The following TJP1 variants were observed in gnomAD, a reference collection of about 807,000 sequenced individuals.
TJP1 encodes the protein tight junction protein 1, also known as tight junction protein ZO-1.
A neutral mutation model predicts 194.2 loss-of-function variants in TJP1; 43 were observed. The observed-to-expected ratio is 0.22, with a 90% CI of 0.17 to 0.29. The LOEUF is 0.29. Among genes scored for constraint, TJP1 ranks in the 10% least tolerant of loss-of-function variants. The probability of loss-of-function intolerance (pLI) is 1.00; values close to 1 mark genes in which losing one functional copy is unlikely to be tolerated. For synonymous variants in TJP1, 801 were observed against 779.0 expected (o/e 1.03, Z -0.47); for missense variants, 1,971 against 2,185.7 (o/e 0.90, Z 1.96).
intron 2 of TJP1, among the ~76,000 whole-genome samples, chr15:29,906,146 C>T (rs1439404840): frequency 6.6e-6 from 1 of 152,102 alleles, no homozygotes; most frequent in African/African-American, 2.4e-5. Context: ...GTACTTTCCA[C>T]TCAAGTTTGC....
At position 29,720,681 on chromosome 15, in the gene TJP1, C is replaced by A; in HGVS notation, c.2440G>T (p.Asp814Tyr). The change falls in exon 19 of 28, where the codon GAT becomes TAT. Residue 814 changes from aspartate (D) to tyrosine (Y), a missense_variant. Physicochemically the swap from Asp to Tyr is radical, Grantham distance 160 (BLOSUM62 -3). Coordinates refer to ENST00000614355, the MANE Select transcript of TJP1 (RefSeq NM_001330239.4). ...TAGGACAGACGATCATCATGCAAAT[C>A]AAGGTCATCACTTGTAGCACCATCC... ...KADGATSDDL[D>Y]LHDDRLSYLS... The A allele has an allele frequency of 1.9e-6, 3 of 1,609,790 alleles. No homozygotes were observed. The South Asian group carries it at 3.3e-5, about 18-fold the overall frequency.
At chr15:29,796,285 G>C (rs1595921529) in intron 2 of TJP1, among the ~76,000 whole-genome samples, 1 of 148,504 alleles carries the variant, frequency 6.7e-6, no homozygotes, top group Non-Finnish European at 1.5e-5. Flanking sequence ...AAACACCCAG[G>C]AATCTAAACA....
intron 2 of TJP1, among the ~76,000 whole-genome samples, chr15:29,782,167 T>C (rs969402322): frequency 6.6e-6 from 1 of 152,064 alleles, no homozygotes; most frequent in Non-Finnish European, 1.5e-5. Flanking sequence ...AGCATTCTTA[T>C]AAACCAACAA....
chr15:29,834,534 C>T (rs1207740161), intron 2 of TJP1, among the ~76,000 whole-genome samples: 1 of 152,226 alleles, frequency 6.6e-6, no homozygotes, highest in Non-Finnish European at 1.5e-5. Flanking sequence ...ATGTTTTATA[C>T]TATTTTGCAG....
intron 2 of TJP1, among the ~76,000 whole-genome samples, chr15:29,837,330 G>A (rs1719321): frequency 0.066 from 10,013 of 152,066 alleles, 530 homozygotes; most frequent in African/African-American, 0.15. Context: ...AGGCTGATGC[G>A]GGTGGATCAC....
At chr15:29,946,748 T>C (rs138329698) in intron 2 of TJP1, among the ~76,000 whole-genome samples, 1 of 152,354 alleles carries the variant, frequency 6.6e-6, no homozygotes, top group African/African-American at 2.4e-5. Flanking sequence ...GACAAATATT[T>C]ATACTGAGCT....
At chr15:29,894,805 A>C (rs570421419) in intron 2 of TJP1, among the ~76,000 whole-genome samples, 2 of 152,292 alleles carry the variant, frequency 1.3e-5, no homozygotes, top group Non-Finnish European at 2.9e-5. Flanking sequence ...CAGCTTGTGC[A>C]CTCTGCATAC....
intron 2 of TJP1, among the ~76,000 whole-genome samples, chr15:29,859,173 T>C (rs559085034): frequency 2.6e-4 from 39 of 152,376 alleles, no homozygotes; most frequent in African/African-American, 8.7e-4. Flanking sequence ...GATTAACTTA[T>C]AGTTTAATCA....
At chr15:29,787,093 T>G (rs923390483) in intron 2 of TJP1, among the ~76,000 whole-genome samples, 51 of 152,364 alleles carry the variant, frequency 3.3e-4, no homozygotes, top group Non-Finnish European at 5.7e-4. Context: ...TTGGAGCTGC[T>G]TGACCGATAA....
At chr15:29,837,913 A>T (rs2051089957) in intron 2 of TJP1, among the ~76,000 whole-genome samples, 1 of 152,190 alleles carries the variant, frequency 6.6e-6, no homozygotes. Context: ...ACATCAAGCT[A>T]AATATCCTCT....
At chr15:29,787,142 T>A (rs960760798) in intron 2 of TJP1, among the ~76,000 whole-genome samples, 1 of 152,190 alleles carries the variant, frequency 6.6e-6, no homozygotes, top group Admixed American at 6.5e-5. Context: ...AATTCATATA[T>A]CATAAATTCA....
At position 29,712,873 on chromosome 15, in the gene TJP1, A is replaced by G. The variant is rs200193606; in HGVS notation, c.4203-1873T>C. 1.9e-4 allele frequency among the ~76,000 whole-genome samples: 29 copies of G among 152,106 alleles called. No individual in the cohort carries two copies. The East Asian group carries it at 5.6e-3, about 29-fold the overall frequency. ...AAGTGAAGACACAGGAAAAAGTAAC[A>G]CAACAGAAGAGCTACATTGAGCCCC... On this transcript the variant is annotated intron_variant, in intron 23 of 27. Coordinates refer to ENST00000614355, the MANE Select transcript of TJP1 (RefSeq NM_001330239.4).
At chr15:29,720,056 T>A in intron 19 of TJP1, 40 bp from the exon 20 acceptor site, 1 of 1,547,430 alleles carries the variant, frequency 6.5e-7, no homozygotes, top group Non-Finnish European at 8.7e-7. Context: ...AGTGTTTCTG[T>A]TTACTGCTAA....
At chr15:29,875,248 TC>T (rs1457649663) in intron 2 of TJP1, among the ~76,000 whole-genome samples, 1 of 152,218 alleles carries the variant, frequency 6.6e-6, no homozygotes, top group Non-Finnish European at 1.5e-5. Flanking sequence ...ACTGTGGCCA[TC>T]CGCAGAATAG....
At chr15:29,777,168 GAC>G (rs2047069314) in intron 2 of TJP1, among the ~76,000 whole-genome samples, 1 of 152,004 alleles carries the variant, frequency 6.6e-6, no homozygotes, top group Non-Finnish European at 1.5e-5. Flanking sequence ...AAAGTAACAA[GAC>G]ACAGTTCTTA....
chr15:29,915,048 G>T (rs2054142737), intron 2 of TJP1, among the ~76,000 whole-genome samples: 1 of 152,116 alleles, frequency 6.6e-6, no homozygotes, highest in Non-Finnish European at 1.5e-5. Context: ...GATGGAGGTA[G>T]ACTGCTAAAA....
At chr15:29,870,139 C>T (rs1461970314) in intron 2 of TJP1, among the ~76,000 whole-genome samples, 1 of 151,768 alleles carries the variant, frequency 6.6e-6, no homozygotes, top group Non-Finnish European at 1.5e-5. Context: ...TGTGCCTGTC[C>T]CTTTCCTCTT....
chr15:29,923,185 C>G (rs992303391), intron 2 of TJP1, among the ~76,000 whole-genome samples: 1 of 152,124 alleles, frequency 6.6e-6, no homozygotes, highest in African/African-American at 2.4e-5. Flanking sequence ...CCACAAAAGA[C>G]AATCACATAA....
chr15:29,847,535 C>G (rs1016549666), intron 2 of TJP1, among the ~76,000 whole-genome samples: 11 of 152,172 alleles, frequency 7.2e-5, no homozygotes, highest in African/African-American at 2.4e-4. Flanking sequence ...CCTGTAATCC[C>G]AGCACTTTGC....
Sources: gnomAD v4.1 joint callset for allele counts (sites outside exome capture counted in the v4.1 genomes callset) on GRCh38, gnomAD v4.1.1 for gene constraint, MANE v1.5 for transcripts, NCBI Gene and HGNC (gene_info 2026-07-23, HGNC 2026-07-21) for gene names.